OTOP1: variants seen among roughly 807,000 people sequenced by gnomAD.
The protein encoded by OTOP1 is otopetrin 1.
In OTOP1, 59 loss-of-function variants were observed where a neutral mutation model predicts 52.9. The ratio of observed to expected loss-of-function variants is 1.12; its 90% CI spans 0.91 to 1.39. OTOP1 has a LOEUF of 1.39. OTOP1 is among the 40% of genes most tolerant of loss of function. OTOP1 has a pLI of 0.00. For missense variants in OTOP1, 761 were observed against 800.9 expected, an observed-to-expected ratio of 0.95 and a Z score of 0.60; for synonymous variants, 317 against 337.7, an observed-to-expected ratio of 0.94 and a Z score of 0.67.
chr4:4,192,752 A>G (rs1238582528), intron 5 of OTOP1, among the ~76,000 whole-genome samples: 1 of 152,072 alleles, frequency 6.6e-6, no homozygotes, highest in Non-Finnish European at 1.5e-5. Context: ...CAACCTGGAG[A>G]CCCTGGAGGG....
At chr4:4,223,152 C>T (rs1023165079) in intron 1 of OTOP1, among the ~76,000 whole-genome samples, 2 of 152,234 alleles carry the variant, frequency 1.3e-5, no homozygotes, top group Non-Finnish European at 2.9e-5. Flanking sequence ...ACACCTATCA[C>T]GTGCTCTCTC....
chr4:4,209,718 A>C (rs1030621313), intron 2 of OTOP1, among the ~76,000 whole-genome samples: 1 of 152,124 alleles, frequency 6.6e-6, no homozygotes, highest in Non-Finnish European at 1.5e-5. Flanking sequence ...AGTAAGACCC[A>C]CACGGCCCAG....
chr4:4,200,906 GGT>G (rs1232489574), intron 4 of OTOP1, among the ~76,000 whole-genome samples: 1 of 152,002 alleles, frequency 6.6e-6, no homozygotes, highest in Non-Finnish European at 1.5e-5. Flanking sequence ...AATTCAATAC[GGT>G]GTTATGCAGA....
chr4:4,217,991 A>T (rs1344527033), intron 1 of OTOP1, among the ~76,000 whole-genome samples: 1 of 152,188 alleles, frequency 6.6e-6, no homozygotes, highest in East Asian at 1.9e-4. Flanking sequence ...AAAGAACTTA[A>T]ATTCAAATGG....
At chr4:4,189,766 G>A (rs1716462388) in intron 5 of OTOP1, among the ~76,000 whole-genome samples, 1 of 152,330 alleles carries the variant, frequency 6.6e-6, no homozygotes, top group South Asian at 2.1e-4. Flanking sequence ...GGGGCCCAGG[G>A]AGTACTCCCG....
At chr4:4,219,873 A>G (rs1717242996) in intron 1 of OTOP1, among the ~76,000 whole-genome samples, 2 of 146,662 alleles carry the variant, frequency 1.4e-5, no homozygotes, top group Admixed American at 6.9e-5. Flanking sequence ...ATGTATACAT[A>G]TATGTATATA....
chr4:4,205,639 T>G (rs1991917), intron 3 of OTOP1, among the ~76,000 whole-genome samples: 122,792 of 152,200 alleles, frequency 0.81, 50,237 homozygotes, highest in African/African-American at 0.94. Flanking sequence ...TGTTAGAACT[T>G]AAGTCCCTCC....
intron 5 of OTOP1, among the ~76,000 whole-genome samples, chr4:4,195,601 G>A (rs1227082221): frequency 1.3e-5 from 2 of 152,222 alleles, no homozygotes; most frequent in Non-Finnish European, 2.9e-5. Context: ...AAGATGAACA[G>A]TGCCTGGATG....
chr4:4,209,561 G>A (rs1241750553), intron 2 of OTOP1, among the ~76,000 whole-genome samples: 1 of 152,138 alleles, frequency 6.6e-6, no homozygotes, highest in African/African-American at 2.4e-5. Flanking sequence ...TGCCCTCGAG[G>A]TGAAGCCCAA....
chr4:4,210,431 G>T (rs1032326818), intron 2 of OTOP1, among the ~76,000 whole-genome samples: 1 of 152,148 alleles, frequency 6.6e-6, no homozygotes, highest in Non-Finnish European at 1.5e-5. Flanking sequence ...CAAGGTGTTG[G>T]TTCCTTTTGA....
At chr4:4,215,670 A>G (rs1189601399) in intron 1 of OTOP1, among the ~76,000 whole-genome samples, 1 of 138,314 alleles carries the variant, frequency 7.2e-6, no homozygotes, top group Non-Finnish European at 1.6e-5. Context: ...CAAAAAATAT[A>G]TATATTAATA....
intron 3 of OTOP1, among the ~76,000 whole-genome samples, chr4:4,204,763 GCTTT>G (rs1374304867): frequency 1.3e-5 from 2 of 149,680 alleles, no homozygotes; most frequent in Non-Finnish European, 1.5e-5. Context: ...TGTGCATGGT[GCTTT>G]CTTTCTTCTT....
At chr4:4,205,488 C>G (rs11723428) in intron 3 of OTOP1, among the ~76,000 whole-genome samples, 23,266 of 152,174 alleles carry the variant, frequency 0.15, 2,320 homozygotes, top group Non-Finnish European at 0.23. Flanking sequence ...GCTCTGGGCT[C>G]TTACCAGCTC....
chr4:4,220,099 ATATATATTTT>A (rs1400370964), intron 1 of OTOP1, among the ~76,000 whole-genome samples: 5 of 80,050 alleles, frequency 6.2e-5, no homozygotes, highest in African/African-American at 4.0e-4. Context: ...ATATATATAT[ATATATATTTT>A]TTTTTTTTTT....
At chr4:4,198,599 T>G (rs1716706907) in intron 4 of OTOP1, among the ~76,000 whole-genome samples, 1 of 152,234 alleles carries the variant, frequency 6.6e-6, no homozygotes, top group African/African-American at 2.4e-5. Flanking sequence ...AAATACTTTC[T>G]GGAGAAAATG....
At position 4,199,809 on chromosome 4, in the gene OTOP1, C is replaced by T. The variant is rs1716739356; in HGVS notation, c.731-1706G>A. ...ATCTATTTTTTAATGCAAGTCACGACCCAGTACCAGGCTGTAAAATCAGGT... is the reference window on the plus strand; with the variant it reads ...ATCTATTTTTTAATGCAAGTCACGATCCAGTACCAGGCTGTAAAATCAGGT... On this transcript the variant is annotated intron_variant, in intron 4 of 5. Coordinates refer to ENST00000296358, the MANE Select transcript of OTOP1 (RefSeq NM_177998.3). 2.0e-5 allele frequency among the ~76,000 whole-genome samples: 3 copies of T among 152,284 alleles called. No individual in the cohort carries two copies. In the South Asian group the frequency reaches 6.2e-4, roughly 32 times the overall value.
At chr4:4,203,874 G>T (rs1716841812) in intron 3 of OTOP1, among the ~76,000 whole-genome samples, 2 of 152,216 alleles carry the variant, frequency 1.3e-5, no homozygotes, top group Admixed American at 1.3e-4. Flanking sequence ...GCCTGGCTGG[G>T]TGGGGCAGAT....
At position 4,194,521 on chromosome 4, in the gene OTOP1, G is replaced by T. The variant is rs1716579336; in HGVS notation, c.1668+2645C>A. On this transcript the variant is annotated intron_variant, in intron 5 of 5. Transcript: ENST00000296358. Reference sequence around the variant, plus strand: ...ACTGAAGGAAGCCGGGTGATCCAAGGTTAGAGTGGACCAGGTTTGCTTGGC... The same window carrying T: ...ACTGAAGGAAGCCGGGTGATCCAAGTTTAGAGTGGACCAGGTTTGCTTGGC... Among the ~76,000 whole-genome samples, 6 of 152,322 alleles carry T rather than the reference G, an allele frequency of 3.9e-5. No homozygotes were observed. In the South Asian group the frequency reaches 1.0e-3, roughly 26 times the overall value.
intron 5 of OTOP1, among the ~76,000 whole-genome samples, chr4:4,192,193 G>T (rs1483033633): frequency 2.6e-5 from 4 of 152,130 alleles, no homozygotes; most frequent in Non-Finnish European, 5.9e-5. Flanking sequence ...TTGGCTCTGG[G>T]GCCCTGAACC....
Sources: allele counts gnomAD v4.1 joint callset (sites outside exome capture counted in the v4.1 genomes callset), GRCh38; gene constraint gnomAD v4.1.1; transcripts MANE v1.5; gene names NCBI Gene and HGNC (gene_info 2026-07-23, HGNC 2026-07-21).